The following MCMDC2 variants were observed in gnomAD, a reference collection of about 807,000 sequenced individuals.
The protein encoded by MCMDC2 is minichromosome maintenance domain containing 2.
MCMDC2 carries 54 observed loss-of-function variants against 75.8 expected under a neutral mutation model. That is an observed-to-expected ratio of 0.71 (90% CI 0.57 to 0.89). MCMDC2 has a LOEUF of 0.89. Among genes scored for constraint, MCMDC2 ranks in the 40% least tolerant of loss-of-function variants. The pLI, the probability that MCMDC2 is intolerant of heterozygous loss-of-function variation, is 0.00. For synonymous variants in MCMDC2, 249 were observed against 274.6 expected (o/e 0.91, Z 0.92); for missense variants, 656 against 780.4 (o/e 0.84, Z 1.90).
At chr8:66,890,298 T>C (rs1410116826) in intron 9 of MCMDC2, among the ~76,000 whole-genome samples, 4 of 152,098 alleles carry the variant, frequency 2.6e-5, no homozygotes, top group Non-Finnish European at 4.4e-5. Context: ...ACTCTTGACT[T>C]CAAGTGATCT....
rs143451390 is a variant in MCMDC2 at position 66,909,176 on chromosome 8, C to T, written c.1879+3841C>T. The stretch of plus-strand genomic sequence containing the variant: ...TGCCTTGAAAGAAGGTGCCTTGCTT[C>T]CCCTTTACCTTCTGCCATGATTGTA... On this transcript the variant is annotated intron_variant, in intron 14 of 14. Transcript: ENST00000422365. Among the ~76,000 whole-genome samples the T allele has an allele frequency of 8.1e-3, 1,228 of 152,288 alleles. 16 individuals carry two copies. The highest frequency in any genetic ancestry group is 0.028 in the African/African-American group (1,170 of 41,554).
chr8:66,900,595 A>T (rs973622398), intron 12 of MCMDC2, among the ~76,000 whole-genome samples: 1 of 152,160 alleles, frequency 6.6e-6, no homozygotes, highest in Non-Finnish European at 1.5e-5. Context: ...GATAGTAAAA[A>T]ATTTGGAAAT....
At position 66,883,712 on chromosome 8, in the gene MCMDC2, T is replaced by A; in HGVS notation, c.836-45T>A. On this transcript the variant is annotated intron_variant, in intron 8 of 14. Coordinates refer to ENST00000422365, the MANE Select transcript of MCMDC2 (RefSeq NM_173518.5). The stretch of plus-strand genomic sequence containing the variant: ...GAGTCAAATATCTATAATGTTGTCT[T>A]GTTTTAAAACCCTTTCTAATATATA... 3 of 1,071,852 alleles carry A rather than the reference T, an allele frequency of 2.8e-6. No individual in the cohort carries two copies. In the South Asian group the frequency reaches 4.3e-5, roughly 15 times the overall value. 66.4% of individuals were successfully genotyped at this position (1,071,852 alleles called of 1,614,324 possible).
chr8:66,891,459 A>G (rs972134973), intron 10 of MCMDC2, among the ~76,000 whole-genome samples: 1 of 152,188 alleles, frequency 6.6e-6, no homozygotes, highest in Non-Finnish European at 1.5e-5. Context: ...CATTTTTTGT[A>G]GACATTCTTT....
Position 66,874,178 on chromosome 8 carries a change from A to T in MCMDC2, c.38A>T (p.Tyr13Phe). The T allele has an allele frequency of 1.2e-6, 2 of 1,610,216 alleles. No homozygotes were observed. Among genetic ancestry groups the T allele is most frequent in the Non-Finnish European group, 1.7e-6 (2 of 1,178,942 alleles). ...AAAATGAAAGAGGCGGCCCTCATCT[A>T]TCTTGACAGAAGTGGAGGCCTCCAA... Reference protein sequence around the residue: ...NLKMKEAALIYLDRSGGLQKF... With the variant: ...NLKMKEAALIFLDRSGGLQKF... Residue 13 changes from tyrosine (Y) to phenylalanine (F), a missense_variant, in exon 2 of 15, where the codon TAT (tyrosine) becomes TTT (phenylalanine). Transcript: ENST00000422365.
intron 1 of MCMDC2, among the ~76,000 whole-genome samples, chr8:66,872,518 C>A (rs1305282668): frequency 6.6e-6 from 1 of 152,142 alleles, no homozygotes; most frequent in Non-Finnish European, 1.5e-5. Flanking sequence ...TCTATTACAG[C>A]ACTTAAATTG....
At chr8:66,878,770 A>G (rs1811421132) in intron 6 of MCMDC2, 45 bp from the exon 7 acceptor site, 2 of 1,444,328 alleles carry the variant, frequency 1.4e-6, no homozygotes, top group African/African-American at 2.9e-5. Flanking sequence ...AATTAAATTG[A>G]ATATATATTC....
intron 1 of MCMDC2, among the ~76,000 whole-genome samples, chr8:66,871,248 G>A (rs1191451450): frequency 6.6e-6 from 1 of 152,002 alleles, no homozygotes; most frequent in Non-Finnish European, 1.5e-5. Context: ...CCTGATTTAT[G>A]GCCCCCTCCT....
chr8:66,908,940 CTG>C (rs1397840260), intron 14 of MCMDC2, among the ~76,000 whole-genome samples: 6 of 152,142 alleles, frequency 3.9e-5, no homozygotes, highest in Non-Finnish European at 7.3e-5. Flanking sequence ...TACTTAGTGA[CTG>C]ACACAGTTAG....
chr8:66,892,927 G>A (rs547544657), intron 10 of MCMDC2, among the ~76,000 whole-genome samples: 1 of 152,186 alleles, frequency 6.6e-6, no homozygotes, highest in Admixed American at 6.5e-5. Flanking sequence ...CTTGGTCATG[G>A]TGTATAATTC....
intron 9 of MCMDC2, among the ~76,000 whole-genome samples, chr8:66,889,688 A>T (rs965297907): frequency 5.3e-5 from 8 of 152,132 alleles, no homozygotes; most frequent in Non-Finnish European, 1.2e-4. Context: ...GGTCCCAGCT[A>T]CTTGGGAGGC....
intron 14 of MCMDC2, among the ~76,000 whole-genome samples, chr8:66,918,205 GAAA>G (rs1813391763): frequency 6.6e-6 from 1 of 152,262 alleles, no homozygotes; most frequent in East Asian, 1.9e-4. Context: ...TTTCTTTAGA[GAAA>G]CGATATTAGT....
chr8:66,919,307 A>C lies in MCMDC2; in HGVS notation c.*138A>C, dbSNP rs1459323902. On this transcript the variant is annotated 3_prime_UTR_variant, in exon 15 of 15. Coordinates refer to ENST00000422365, the MANE Select transcript of MCMDC2 (RefSeq NM_173518.5). ...ACAATACTGTTTTTAAAAATATAAA[A>C]TATAGTCCCCTCAAAACTAATTGCT... 1.4e-5 allele frequency: 9 copies of C among 632,626 alleles called. No homozygotes were observed. The highest frequency in any genetic ancestry group is 2.2e-5 in the Non-Finnish European group (9 of 411,558). 39.2% of individuals were successfully genotyped at this position (632,626 alleles called of 1,614,324 possible).
chr8:66,899,250 G>A (rs1248437739), intron 12 of MCMDC2, among the ~76,000 whole-genome samples: 1 of 152,136 alleles, frequency 6.6e-6, no homozygotes, highest in Non-Finnish European at 1.5e-5. Context: ...CATGTGATGT[G>A]GACTGTCCTG....
chr8:66,919,001 A>G lies in MCMDC2; in HGVS notation c.1880-2A>G. Reference sequence around the variant, plus strand: ...TTACACTCTATTATCTTCTTCATTTAGGGGCCACTGTATTTTGTGTTGCTC... The same window carrying G: ...TTACACTCTATTATCTTCTTCATTTGGGGGCCACTGTATTTTGTGTTGCTC... On this transcript the variant is annotated splice_acceptor_variant, in intron 14 of 14. Transcript: ENST00000422365. LOFTEE classifies it high-confidence loss of function. 6.7e-7 allele frequency: 1 copy of G among 1,503,756 alleles called. No homozygotes were observed. The allele number at this position is 1,503,756 out of a possible 1,614,324, so 93.2% of individuals were successfully genotyped here.
At chr8:66,914,125 A>G (rs903997973) in intron 14 of MCMDC2, among the ~76,000 whole-genome samples, 4 of 151,734 alleles carry the variant, frequency 2.6e-5, no homozygotes, top group African/African-American at 9.7e-5. Flanking sequence ...ACAGAAAAAA[A>G]ATTTTTTAAT....
chr8:66,886,399 A>C (rs1029708904), intron 9 of MCMDC2, among the ~76,000 whole-genome samples: 1 of 152,086 alleles, frequency 6.6e-6, no homozygotes, highest in African/African-American at 2.4e-5. Flanking sequence ...TCCTGACCTC[A>C]GGTAATCCAC....
At position 66,905,246 on chromosome 8, in the gene MCMDC2, A is replaced by G; in HGVS notation, c.1790A>G (p.His597Arg). The change falls in exon 14 of 15, where the codon CAT (histidine) becomes CGT (arginine). Residue 597 changes from histidine to arginine, a missense_variant. Physicochemically the swap from His to Arg is conservative, Grantham distance 29 (BLOSUM62 0). Transcript: ENST00000422365. ...LKYLVFLSEA[H>R]ARLNLRNKVL... ...TTTAGCGTTTTCCTATCTGAAGCCC[A>G]TGCACGACTGAACTTAAGGAACAAA... 1 of 1,486,464 alleles carries G rather than the reference A, an allele frequency of 6.7e-7. No individual in the cohort carries two copies. 92.1% of individuals were successfully genotyped at this position (1,486,464 alleles called of 1,614,324 possible).
rs187323373 is a variant in MCMDC2 at position 66,874,250 on chromosome 8, G to A, written c.94+16G>A. ...TACTACAATGGTACGTTCAGCAAAG[G>A]TGAGTTATTTTTAAAACTTTCAAAT... On this transcript the variant is annotated intron_variant, in intron 2 of 14. Coordinates refer to ENST00000422365, the MANE Select transcript of MCMDC2 (RefSeq NM_173518.5). 3 of 1,606,272 alleles carry A rather than the reference G, an allele frequency of 1.9e-6. No homozygotes were observed. The Admixed American group carries it at 5.2e-5, about 28-fold the overall frequency.
Sources: gnomAD v4.1 joint callset for allele counts (sites outside exome capture counted in the v4.1 genomes callset) on GRCh38, gnomAD v4.1.1 for gene constraint, MANE v1.5 for transcripts, NCBI Gene and HGNC (gene_info 2026-07-23, HGNC 2026-07-21) for gene names.